SPATS2: variants seen among roughly 807,000 people sequenced by gnomAD.
SPATS2 encodes the protein spermatogenesis associated serine rich 2.
SPATS2 carries 38 observed loss-of-function variants against 63.7 expected under a neutral mutation model. The ratio of observed to expected loss-of-function variants is 0.60; its 90% CI spans 0.46 to 0.78. The LOEUF is 0.78. Among genes scored for constraint, SPATS2 ranks in the 30% least tolerant of loss-of-function variants. The pLI is 0.00. For synonymous variants in SPATS2, 207 were observed against 232.9 expected, an observed-to-expected ratio of 0.89 and a Z score of 1.01; for missense variants, 588 against 666.2, an observed-to-expected ratio of 0.88 and a Z score of 1.29.
chr12:49,471,928 G>A (rs901773352), intron 3 of SPATS2, among the ~76,000 whole-genome samples: 2 of 152,008 alleles, frequency 1.3e-5, no homozygotes, highest in Non-Finnish European at 2.9e-5. Context: ...TTGAGCCCAG[G>A]AGTTTGAAAC....
chr12:49,400,237 G>A (rs1213538163), intron 2 of SPATS2, among the ~76,000 whole-genome samples: 1 of 152,060 alleles, frequency 6.6e-6, no homozygotes, highest in Non-Finnish European at 1.5e-5. Context: ...TAGTAATTTG[G>A]AATTTCTTGC....
chr12:49,461,864 A>T (rs1053989663), intron 3 of SPATS2, among the ~76,000 whole-genome samples: 2 of 152,206 alleles, frequency 1.3e-5, no homozygotes, highest in Non-Finnish European at 2.9e-5. Flanking sequence ...TATAGGAAGA[A>T]TCTGAGCTCT....
chr12:49,480,869 A>G (rs886243626), intron 3 of SPATS2, among the ~76,000 whole-genome samples: 1 of 152,070 alleles, frequency 6.6e-6, no homozygotes, highest in Non-Finnish European at 1.5e-5. Flanking sequence ...ATTAATTCTA[A>G]AACACTTAGT....
chr12:49,403,594 T>TACACACACACACACACACAC (rs5798102), intron 2 of SPATS2, among the ~76,000 whole-genome samples: 1 of 128,418 alleles, frequency 7.8e-6, no homozygotes, highest in African/African-American at 3.0e-5. Flanking sequence ...TGCCACTGTC[T>TACACACACACACACACACAC]ACACACACAC....
intron 2 of SPATS2, among the ~76,000 whole-genome samples, chr12:49,444,405 A>G (rs1283102787): frequency 6.6e-6 from 1 of 151,516 alleles, no homozygotes; most frequent in African/African-American, 2.4e-5. Context: ...TTTTTGTAGA[A>G]ATGGGGTCTC....
intron 3 of SPATS2, among the ~76,000 whole-genome samples, chr12:49,462,033 C>G (rs1425435328): frequency 2.0e-5 from 3 of 151,924 alleles, no homozygotes; most frequent in Non-Finnish European, 4.4e-5. Context: ...TGTTTTCACC[C>G]TGCAAATGAG....
At chr12:49,413,601 C>T (rs1444767984) in intron 2 of SPATS2, among the ~76,000 whole-genome samples, 1 of 152,052 alleles carries the variant, frequency 6.6e-6, no homozygotes, top group Non-Finnish European at 1.5e-5. Flanking sequence ...TTACAGAATA[C>T]ACTCACCCCT....
At chr12:49,368,405 C>T (rs111693091) in intron 1 of SPATS2, among the ~76,000 whole-genome samples, 1 of 152,164 alleles carries the variant, frequency 6.6e-6, no homozygotes, top group African/African-American at 2.4e-5. Flanking sequence ...CCAAAAATAT[C>T]TTGCTTTAAG....
chr12:49,459,740 TC>T (rs76078684), intron 2 of SPATS2, among the ~76,000 whole-genome samples: 23,535 of 32,500 alleles, frequency 0.72, 8,905 homozygotes, highest in Non-Finnish European at 0.77. Flanking sequence ...TCATTTCACG[TC>T]CCCCCCCCCC....
intron 2 of SPATS2, chr12:49,389,981 ACAAG>A (rs1194191142): frequency 2.4e-6 from 2 of 832,248 alleles, no homozygotes; most frequent in Non-Finnish European, 4.3e-6. Context: ...ATTGAAATTG[ACAAG>A]CAACAGGATT....
chr12:49,461,257 A>G (rs1256978210), intron 3 of SPATS2: 1 of 536,062 alleles, frequency 1.9e-6, no homozygotes, highest in African/African-American at 1.9e-5. Flanking sequence ...TATGCTTAAC[A>G]ATCTTGAAGA....
At chr12:49,437,880 A>G (rs540024392) in intron 2 of SPATS2, among the ~76,000 whole-genome samples, 1 of 152,096 alleles carries the variant, frequency 6.6e-6, no homozygotes, top group East Asian at 1.9e-4. Flanking sequence ...AGGGAGAGGG[A>G]GCTGAATGGT....
intron 2 of SPATS2, among the ~76,000 whole-genome samples, chr12:49,452,290 T>C (rs999117582): frequency 6.6e-6 from 1 of 152,208 alleles, no homozygotes; most frequent in Non-Finnish European, 1.5e-5. Flanking sequence ...TTAAAAAATT[T>C]TTACTTTTTG....
chr12:49,450,851 G>GT (rs1348553073), intron 2 of SPATS2, among the ~76,000 whole-genome samples: 1 of 150,026 alleles, frequency 6.7e-6, no homozygotes, highest in African/African-American at 2.5e-5. Flanking sequence ...CCTATTTTTT[G>GT]TTTTGTTTTG....
intron 3 of SPATS2, among the ~76,000 whole-genome samples, chr12:49,478,122 A>ATGCATGCC (rs1946150295): frequency 6.6e-6 from 1 of 151,876 alleles, no homozygotes; most frequent in Admixed American, 6.6e-5. Flanking sequence ...CTACAGATGC[A>ATGCATGCC]TGCATGCCAG....
intron 3 of SPATS2, among the ~76,000 whole-genome samples, chr12:49,481,423 T>A (rs1291417459): frequency 6.8e-6 from 1 of 146,314 alleles, no homozygotes; most frequent in African/African-American, 2.5e-5. Context: ...TAGAGTGAAA[T>A]AAATAAGAAA....
intron 2 of SPATS2, among the ~76,000 whole-genome samples, chr12:49,430,974 A>ACT (rs1425716195): frequency 6.6e-6 from 1 of 152,196 alleles, no homozygotes; most frequent in African/African-American, 2.4e-5. Context: ...GGCATGAGCC[A>ACT]CTGTGCCCAG....
intron 2 of SPATS2, among the ~76,000 whole-genome samples, chr12:49,440,816 T>A (rs148805044): frequency 3.2e-4 from 49 of 152,296 alleles, no homozygotes; most frequent in African/African-American, 1.2e-3. Context: ...GTCCTTCAAT[T>A]TGTTTGGTGT....
intron 9 of SPATS2, among the ~76,000 whole-genome samples, chr12:49,507,370 G>A (rs1248177326): frequency 6.6e-6 from 1 of 152,192 alleles, no homozygotes; most frequent in Non-Finnish European, 1.5e-5. Context: ...TATGAGCAGA[G>A]GCATAGAAGG....
Sources: allele counts gnomAD v4.1 joint callset (sites outside exome capture counted in the v4.1 genomes callset), GRCh38; gene constraint gnomAD v4.1.1; transcripts MANE v1.5; gene names NCBI Gene and HGNC (gene_info 2026-07-23, HGNC 2026-07-21).